Variants in GRAMD1C observed in about 807,000 individuals in gnomAD.
GRAMD1C encodes the protein protein Aster-C.
In GRAMD1C, 89 loss-of-function variants were observed where a neutral mutation model predicts 97.8. The observed-to-expected ratio is 0.91, with a 90% CI of 0.77 to 1.09. GRAMD1C has a LOEUF of 1.09. GRAMD1C is among the 50% of genes least tolerant of loss of function. The pLI is 0.00. For missense variants in GRAMD1C, 740 were observed against 766.4 expected, an observed-to-expected ratio of 0.97 and a Z score of 0.41; for synonymous variants, 256 against 267.0, an observed-to-expected ratio of 0.96 and a Z score of 0.40.
At chr3:113,904,781 A>C (rs1274393148) in intron 8 of GRAMD1C, among the ~76,000 whole-genome samples, 1 of 152,080 alleles carries the variant, frequency 6.6e-6, no homozygotes, top group East Asian at 1.9e-4. Context: ...TCAATTACTT[A>C]GTTTCTTCCT....
intron 3 of GRAMD1C, 34 bp downstream of exon 3, chr3:113,869,625 A>C: frequency 1.1e-6 from 1 of 912,204 alleles, no homozygotes; most frequent in Non-Finnish European, 1.7e-6. Flanking sequence ...AAGTTTTATT[A>C]CCTCATTATA....
intron 3 of GRAMD1C, among the ~76,000 whole-genome samples, chr3:113,870,819 A>ATT (rs558065664): frequency 5.6e-5 from 8 of 143,530 alleles, no homozygotes; most frequent in Admixed American, 1.4e-4. Context: ...ATTTATAAGA[A>ATT]TTTTTTTTTT....
intron 3 of GRAMD1C, among the ~76,000 whole-genome samples, chr3:113,873,117 G>A (rs1934896518): frequency 2.5e-5 from 1 of 39,820 alleles, no homozygotes; most frequent in African/African-American, 8.0e-5. Flanking sequence ...AAAATTAGCC[G>A]GGTGTGGTGG....
At chr3:113,885,763 A>T in intron 6 of GRAMD1C, 1 of 1,591,258 alleles carries the variant, frequency 6.3e-7, no homozygotes, top group Non-Finnish European at 8.6e-7. Flanking sequence ...AAGAGGAGAT[A>T]TTACAGACAG....
At position 113,849,135 on chromosome 3, in the gene GRAMD1C, C is replaced by A. The variant is rs527508334; in HGVS notation, c.174+4486C>A. Among the ~76,000 whole-genome samples, 5 of 151,940 alleles carry A rather than the reference C, an allele frequency of 3.3e-5. No individual in the cohort carries two copies. In the South Asian group the frequency reaches 1.0e-3, roughly 32 times the overall value. ...ATTTATTTAGTGCAAATTCTTTTAG[C>A]GATATAGAGTAAGCAACTATTGGGA... On this transcript the variant is annotated intron_variant, in intron 2 of 17. Transcript: ENST00000358160.
chr3:113,910,451 T>C (rs1936526256), intron 9 of GRAMD1C, among the ~76,000 whole-genome samples: 2 of 152,342 alleles, frequency 1.3e-5, no homozygotes, highest in Middle Eastern at 3.4e-3. Flanking sequence ...TTAATCCTAA[T>C]ATGATGATAA....
intron 10 of GRAMD1C, chr3:113,919,533 G>A (rs1251576631): frequency 3.6e-6 from 2 of 550,898 alleles, no homozygotes; most frequent in Admixed American, 4.0e-5. Flanking sequence ...ACTCAGAGAA[G>A]AAGTTATGAT....
chr3:113,869,554 G>A lies in GRAMD1C; in HGVS notation c.222G>A (p.Gln74=). Residue 74 remains glutamine (Q), a synonymous_variant, in exon 3 of 18, where the codon CAG becomes CAA. Transcript: ENST00000358160. The stretch of plus-strand genomic sequence containing the variant: ...ACAGGAATGAGGAATACAGAAGACA[G>A]TTCACACATCTACCTGATACAGAGA... ...YKDRNEEYRR[Q]FTHLPDTERL... 6.4e-7 allele frequency: 1 copy of A among 1,555,390 alleles called. No homozygotes were observed. Among genetic ancestry groups the A allele is most frequent in the Non-Finnish European group, 8.8e-7 (1 of 1,137,788 alleles).
chr3:113,919,246 G>T, intron 10 of GRAMD1C: 1 of 390,312 alleles, frequency 2.6e-6, no homozygotes, highest in South Asian at 2.0e-5. Context: ...AGGCTTTTTT[G>T]GTCCAGTTTG....
intron 8 of GRAMD1C, among the ~76,000 whole-genome samples, chr3:113,905,662 C>T (rs1331450216): frequency 2.0e-5 from 3 of 151,250 alleles, no homozygotes; most frequent in African/African-American, 7.3e-5. Context: ...ATGTTTTGGT[C>T]AGTGATGGAC....
chr3:113,887,699 C>A (rs1935565594), intron 6 of GRAMD1C, among the ~76,000 whole-genome samples: 1 of 129,876 alleles, frequency 7.7e-6, no homozygotes, highest in Admixed American at 8.3e-5. Context: ...AAGTGCGAGA[C>A]TCCGTCTCCA....
intron 2 of GRAMD1C, among the ~76,000 whole-genome samples, chr3:113,862,526 C>T (rs1033753447): frequency 1.4e-4 from 22 of 152,098 alleles, no homozygotes; most frequent in East Asian, 3.9e-4. Flanking sequence ...TTTTTCAAGG[C>T]GCCCAGATTT....
chr3:113,861,300 AC>A (rs1240142511), intron 2 of GRAMD1C, among the ~76,000 whole-genome samples: 2 of 152,188 alleles, frequency 1.3e-5, no homozygotes, highest in Non-Finnish European at 2.9e-5. Context: ...CTTAGATATG[AC>A]ATGAAAATCT....
At chr3:113,834,771 TAAAAAAA>T (rs776577187), upstream of GRAMD1C, among the ~76,000 whole-genome samples, 1 of 119,912 alleles carries the variant, frequency 8.3e-6, no homozygotes, top group Non-Finnish European at 1.8e-5. Flanking sequence ...CTGTCTCTAC[TAAAAAAA>T]AAAAAAAAAA....
intron 10 of GRAMD1C, among the ~76,000 whole-genome samples, chr3:113,920,396 A>G (rs1420373608): frequency 2.6e-5 from 4 of 152,192 alleles, no homozygotes; most frequent in Admixed American, 6.5e-5. Context: ...ATTTTAAAAA[A>G]TGCTCTCTTT....
At chr3:113,858,218 T>G (rs1934225593) in intron 2 of GRAMD1C, among the ~76,000 whole-genome samples, 1 of 151,454 alleles carries the variant, frequency 6.6e-6, no homozygotes, top group Admixed American at 6.6e-5. Context: ...AGTTGTCATA[T>G]TTACATGTGT....
chr3:113,908,790 G>A (rs1487263501), intron 8 of GRAMD1C, among the ~76,000 whole-genome samples, 168 bp from the exon 9 acceptor site: 2 of 151,860 alleles, frequency 1.3e-5, no homozygotes, highest in African/African-American at 2.4e-5. Flanking sequence ...CATATTTTAC[G>A]GACCGACATT....
rs115486240 is a variant in GRAMD1C, at chr3:113,869,978, G to A, written c.259+387G>A. Among the ~76,000 whole-genome samples, 871 of 152,212 alleles carry A rather than the reference G, an allele frequency of 5.7e-3. 5 individuals carry two copies. Among genetic ancestry groups the A allele is most frequent in the Non-Finnish European group, 9.0e-3 (609 of 68,002 alleles). On this transcript the variant is annotated intron_variant, in intron 3 of 17. Coordinates refer to ENST00000358160, the MANE Select transcript of GRAMD1C (RefSeq NM_017577.5). ...TGTGGATGGAACTGGAGGACATTAT[G>A]TTAAATGAAATAAGCCAGGCACAAG...
intron 2 of GRAMD1C, among the ~76,000 whole-genome samples, chr3:113,857,378 CTTT>C (rs58917498): frequency 2.0e-4 from 25 of 128,142 alleles, no homozygotes; most frequent in Non-Finnish European, 2.4e-4. Context: ...TCTTGTATTC[CTTT>C]TTTTTTTTTT....
Sources: gnomAD v4.1 joint callset for allele counts (sites outside exome capture counted in the v4.1 genomes callset) on GRCh38, gnomAD v4.1.1 for gene constraint, MANE v1.5 for transcripts, NCBI Gene and HGNC (gene_info 2026-07-23, HGNC 2026-07-21) for gene names.